The following ARSF variants were observed in gnomAD, a reference collection of about 807,000 sequenced individuals.
The protein encoded by ARSF is arylsulfatase F.
A neutral mutation model predicts 35.4 loss-of-function variants in ARSF; 33 were observed. The observed-to-expected ratio is 0.93, with a 90% CI of 0.71 to 1.25. The LOEUF (loss-of-function observed/expected upper bound fraction) is 1.25, where lower values mean the gene tolerates loss of function less well. Among genes scored for constraint, ARSF ranks in the 50% most tolerant of loss-of-function variants. The pLI is 0.00. For synonymous variants in ARSF, 222 were observed against 193.1 expected (o/e 1.15, Z -1.24); for missense variants, 501 against 480.2 (o/e 1.04, Z -0.40).
intron 8 of ARSF, among the ~76,000 whole-genome samples, chrX:3,102,847 G>A (rs187135768): frequency 1.8e-5 from 2 of 110,402 alleles, no homozygotes; most frequent in East Asian, 5.7e-4. Flanking sequence ...AGGAGGCGGA[G>A]GTTGCAGTGA....
chrX:3,111,036 C>T (rs1483712816), intron 10 of ARSF, among the ~76,000 whole-genome samples: 7 of 111,817 alleles, frequency 6.3e-5, no homozygotes, highest in East Asian at 2.8e-4. Flanking sequence ...TTAGCATTGA[C>T]GTGTGGGCAA....
At chrX:3,110,318 C>T (rs753109810) in intron 10 of ARSF, 66 bp downstream of exon 10, 11 of 998,647 alleles carry the variant, frequency 1.1e-5, no homozygotes, top group Middle Eastern at 2.9e-4. Flanking sequence ...GTATCCTGAA[C>T]GCATTCTTCC....
intron 4 of ARSF, among the ~76,000 whole-genome samples, chrX:3,079,139 G>T (rs1327017365): frequency 9.0e-6 from 1 of 111,465 alleles, no homozygotes; most frequent in Non-Finnish European, 1.9e-5. Context: ...CCCTCGCATG[G>T]ATTCACTACA....
At chrX:3,093,076 G>C (rs1259875347) in intron 7 of ARSF, among the ~76,000 whole-genome samples, 2 of 110,547 alleles carry the variant, frequency 1.8e-5, no homozygotes, top group Non-Finnish European at 3.8e-5. Context: ...TGAGGCAGGA[G>C]AATGGCGTGA....
intron 1 of ARSF, among the ~76,000 whole-genome samples, chrX:3,045,527 G>A (rs2089971088): frequency 9.1e-6 from 1 of 109,694 alleles, no homozygotes; most frequent in Admixed American, 9.8e-5. Flanking sequence ...TGTGTCATTT[G>A]CATAGGGCAT....
intron 7 of ARSF, among the ~76,000 whole-genome samples, chrX:3,096,102 G>A (rs1201128203): frequency 9.3e-6 from 1 of 107,726 alleles, no homozygotes; most frequent in Non-Finnish European, 1.9e-5. Flanking sequence ...TAGTCCAATA[G>A]TATAATTAGT....
intron 8 of ARSF, among the ~76,000 whole-genome samples, chrX:3,102,376 C>T (rs763802442): frequency 8.9e-6 from 1 of 112,070 alleles, no homozygotes; most frequent in Admixed American, 9.5e-5. Flanking sequence ...TGAAAACAGG[C>T]TGTTTGGTTT....
chrX:3,057,408 G>C (rs1569132301), intron 1 of ARSF, among the ~76,000 whole-genome samples: 1 of 111,362 alleles, frequency 9.0e-6, no homozygotes, highest in African/African-American at 3.3e-5. Context: ...CTCTTTCGGT[G>C]AGATGGTTTA....
chrX:3,104,336 T>C (rs2090399179), intron 9 of ARSF, among the ~76,000 whole-genome samples: 1 of 111,895 alleles, frequency 8.9e-6, no homozygotes, highest in Non-Finnish European at 1.9e-5. Context: ...TCTCTGGGCT[T>C]GGCTTATTTC....
intron 9 of ARSF, among the ~76,000 whole-genome samples, chrX:3,107,448 A>G (rs2090418269): frequency 8.9e-6 from 1 of 111,905 alleles, no homozygotes; most frequent in East Asian, 2.8e-4. Context: ...AAAGAAAAGA[A>G]AAAGACAAGC....
At chrX:3,058,047 G>A (rs1183646995) in intron 1 of ARSF, among the ~76,000 whole-genome samples, 5 of 111,903 alleles carry the variant, frequency 4.5e-5, no homozygotes, top group African/African-American at 1.6e-4. Flanking sequence ...TTGGTCAAAG[G>A]TTTGTTCCTT....
Position 3,059,938 on chromosome X carries a change from T to A in ARSF, c.-28-8135T>A, listed in dbSNP as rs193260588. ...CTGACAGCTCTGAAGAGAGCAGTGGTGCTCCCAGCATGGTGTTTGAGGTCT... is the reference window on the plus strand; with the variant it reads ...CTGACAGCTCTGAAGAGAGCAGTGGAGCTCCCAGCATGGTGTTTGAGGTCT... On this transcript the variant is annotated intron_variant, in intron 1 of 10. Transcript: ENST00000381127. Among the ~76,000 whole-genome samples the A allele has an allele frequency of 3.4e-4, 38 of 112,227 alleles. No homozygotes were observed. The East Asian group carries it at 9.4e-3, about 28-fold the overall frequency.
intron 4 of ARSF, 130 bp from the exon 5 acceptor site, chrX:3,080,761 C>G (rs917544923): frequency 6.2e-6 from 5 of 800,876 alleles, no homozygotes; most frequent in Non-Finnish European, 8.8e-6. Flanking sequence ...GACCTCATCC[C>G]CTCCTAAAAG....
intron 1 of ARSF, among the ~76,000 whole-genome samples, chrX:3,052,813 C>T (rs1257903005): frequency 1.2e-4 from 13 of 111,644 alleles, no homozygotes; most frequent in Non-Finnish European, 2.4e-4. Context: ...CTATCACACA[C>T]TAAAAATGTT....
rs1467118412 is a variant in ARSF, at chrX:3,076,578, A to T, written c.192A>T (p.Glu64Asp). Residue 64 changes from glutamate (E) to aspartate (D), a missense_variant, in exon 4 of 11, where the codon GAA becomes GAT. Physicochemically the swap from Glu to Asp is conservative, Grantham distance 45. Coordinates refer to ENST00000381127, the MANE Select transcript of ARSF (RefSeq NM_001201539.2). Reference sequence around the variant, plus strand: ...CTCACATCGACCGCCTTGCCAGGGAAGGCGTGCGACTGACTCAGCACATCT... The same window carrying T: ...CTCACATCGACCGCCTTGCCAGGGATGGCGTGCGACTGACTCAGCACATCT... Reference protein sequence around the residue: ...RTPHIDRLAREGVRLTQHISA... With the variant: ...RTPHIDRLARDGVRLTQHISA... 3 of 1,209,211 alleles carry T rather than the reference A, an allele frequency of 2.5e-6. No homozygotes were observed. The highest frequency in any genetic ancestry group is 5.9e-5 in the East Asian group (2 of 33,775).
intron 9 of ARSF, among the ~76,000 whole-genome samples, chrX:3,107,336 C>G (rs2090417497): frequency 9.2e-6 from 1 of 108,785 alleles, no homozygotes; most frequent in Non-Finnish European, 1.9e-5. Context: ...TTTCAAATGT[C>G]AATATCAAGT....
chrX:3,090,816 C>G (rs2090283898), intron 7 of ARSF, among the ~76,000 whole-genome samples: 1 of 111,586 alleles, frequency 9.0e-6, no homozygotes, highest in African/African-American at 3.3e-5. Context: ...GTATACGTAC[C>G]ACATTTTCTT....
chrX:3,052,435 G>T (rs2090000482), intron 1 of ARSF, among the ~76,000 whole-genome samples: 1 of 111,897 alleles, frequency 8.9e-6, no homozygotes, highest in Admixed American at 9.5e-5. Context: ...CCTATCTTAA[G>T]CATGGGTGTA....
intron 8 of ARSF, among the ~76,000 whole-genome samples, chrX:3,103,523 G>A (rs376434943): frequency 6.3e-5 from 7 of 111,773 alleles, no homozygotes; most frequent in African/African-American, 2.3e-4. Flanking sequence ...AAATAGCCAT[G>A]CAAATAGAAT....
Sources: gnomAD v4.1 joint callset for allele counts (sites outside exome capture counted in the v4.1 genomes callset) on GRCh38, gnomAD v4.1.1 for gene constraint, MANE v1.5 for transcripts, NCBI Gene and HGNC (gene_info 2026-07-23, HGNC 2026-07-21) for gene names.